Variants in DCDC2C observed in about 807,000 individuals in gnomAD.
DCDC2C encodes doublecortin domain-containing protein 2C.
DCDC2C carries 44 observed loss-of-function variants against 45.0 expected under a neutral mutation model. The observed-to-expected ratio is 0.98, with a 90% CI of 0.77 to 1.26. DCDC2C has a LOEUF of 1.26. DCDC2C is among the 50% of genes most tolerant of loss of function. The probability of loss-of-function intolerance (pLI) is 0.00; values close to 1 mark genes in which losing one functional copy is unlikely to be tolerated. For missense variants in DCDC2C, 447 were observed against 468.9 expected (o/e 0.95, Z 0.43); for synonymous variants, 187 against 178.8 (o/e 1.05, Z -0.37).
intron 6 of DCDC2C, among the ~76,000 whole-genome samples, chr2:3,754,994 G>C (rs1179922554): frequency 6.6e-6 from 1 of 152,198 alleles, no homozygotes; most frequent in Admixed American, 6.5e-5. Context: ...GCGGGGGGTG[G>C]GAGGAGGACA....
chr2:3,768,013 A>G (rs947898024), intron 7 of DCDC2C, 133 bp downstream of exon 7: 1 of 1,067,234 alleles, frequency 9.4e-7, no homozygotes, highest in East Asian at 3.1e-5. Context: ...CTTTATTAAT[A>G]AAAGGTTCAG....
intron 10 of DCDC2C, among the ~76,000 whole-genome samples, chr2:3,799,432 A>G (rs970994980): frequency 1.1e-4 from 16 of 152,124 alleles, no homozygotes; most frequent in Non-Finnish European, 2.2e-4. Flanking sequence ...CCTTTGGAGG[A>G]GGAGAGGTGC....
chr2:3,753,041 C>T (rs1669587200), intron 5 of DCDC2C, 141 bp downstream of exon 5: 4 of 1,059,208 alleles, frequency 3.8e-6, no homozygotes, highest in Admixed American at 5.9e-5. Flanking sequence ...ATGTATGATA[C>T]AATTTTAGAT....
intron 10 of DCDC2C, among the ~76,000 whole-genome samples, chr2:3,786,847 T>G (rs544425543): frequency 9.2e-5 from 14 of 152,400 alleles, no homozygotes; most frequent in Admixed American, 9.1e-4. Context: ...ACAAGCATTT[T>G]ACATGTTTAT....
In DCDC2C at chr2:3,703,862, G is replaced by A; in HGVS notation, c.111G>A (p.Arg37=). 7.8e-7 allele frequency: 1 copy of A among 1,290,012 alleles called. No individual in the cohort carries two copies. Among genetic ancestry groups the A allele is most frequent in the Non-Finnish European group, 9.9e-7 (1 of 1,014,258 alleles). The allele number at this position is 1,290,012 out of a possible 1,614,324, so 79.9% of individuals were successfully genotyped here. The change falls in exon 1 of 11, where the codon CGG becomes CGA. Residue 37 remains arginine (R), a synonymous_variant. Transcript: ENST00000399143. This position sits in a 1 kb window ranked among gnomAD's most constrained non-coding sequence, Gnocchi z 4.4. ...FYVGKKFVLS[R]RRAATFEALL... ...TGGGCAAGAAGTTCGTGCTGTCGCGGCGCCGCGCGGCCACCTTCGAGGCGC... is the reference window on the plus strand; with the variant it reads ...TGGGCAAGAAGTTCGTGCTGTCGCGACGCCGCGCGGCCACCTTCGAGGCGC...
At chr2:3,797,744 A>T (rs1159307282) in intron 10 of DCDC2C, among the ~76,000 whole-genome samples, 1 of 152,068 alleles carries the variant, frequency 6.6e-6, no homozygotes, top group Non-Finnish European at 1.5e-5. Flanking sequence ...ATAATTTGTT[A>T]TAATTTCTGT....
At chr2:3,781,266 G>A (rs1333143053) in intron 9 of DCDC2C, among the ~76,000 whole-genome samples, 1 of 152,234 alleles carries the variant, frequency 6.6e-6, no homozygotes, top group Non-Finnish European at 1.5e-5. Flanking sequence ...TCAATGAACT[G>A]TAGTTCACTT....
intron 10 of DCDC2C, among the ~76,000 whole-genome samples, chr2:3,838,069 G>C (rs141527830): frequency 8.5e-5 from 13 of 152,300 alleles, no homozygotes; most frequent in Admixed American, 7.8e-4. Context: ...AAGAACTGGA[G>C]AAATAACCTG....
chr2:3,784,751 G>GA (rs1670606880), intron 9 of DCDC2C, among the ~76,000 whole-genome samples: 1 of 151,782 alleles, frequency 6.6e-6, no homozygotes, highest in African/African-American at 2.4e-5. Context: ...TATATTAAGT[G>GA]AAAAAAAATC....
intron 10 of DCDC2C, among the ~76,000 whole-genome samples, chr2:3,817,352 G>A (rs190794195): frequency 6.6e-6 from 1 of 152,308 alleles, no homozygotes; most frequent in Non-Finnish European, 1.5e-5. Context: ...TAACAGCATG[G>A]TGGTGCAGGA....
At chr2:3,753,487 G>T (rs901480540) in intron 5 of DCDC2C, among the ~76,000 whole-genome samples, 2 of 152,190 alleles carry the variant, frequency 1.3e-5, no homozygotes, top group African/African-American at 4.8e-5. Flanking sequence ...CCTGACGGGT[G>T]TGTTTGAAAT....
chr2:3,804,634 A>G (rs1425360469), intron 10 of DCDC2C, among the ~76,000 whole-genome samples: 1 of 152,224 alleles, frequency 6.6e-6, no homozygotes, highest in Admixed American at 6.5e-5. Flanking sequence ...AAAAGATCTC[A>G]TTTCCTTTAT....
chr2:3,722,612 C>T lies in DCDC2C; in HGVS notation c.340-4391C>T, dbSNP rs116283644. Among the ~76,000 whole-genome samples the T allele has an allele frequency of 3.8e-3, 574 of 152,330 alleles. 4 individuals are homozygous for T. Among genetic ancestry groups the T allele is most frequent in the African/African-American group, 0.012 (504 of 41,580 alleles). ...TCCTTCAGCCTCTCAGGACAGATGACTGATGTGAGTCTTTGGCTCTGACAA... is the reference window on the plus strand; with the variant it reads ...TCCTTCAGCCTCTCAGGACAGATGATTGATGTGAGTCTTTGGCTCTGACAA... On this transcript the variant is annotated intron_variant, in intron 2 of 10. Transcript: ENST00000399143.
chr2:3,835,266 T>A (rs545484348), intron 10 of DCDC2C, among the ~76,000 whole-genome samples: 24 of 152,340 alleles, frequency 1.6e-4, no homozygotes, highest in Admixed American at 4.6e-4. Flanking sequence ...AGCCCACTCG[T>A]GGTGTTCTTG....
At chr2:3,752,573 G>A (rs1669572803) in intron 4 of DCDC2C, 190 bp from the exon 5 acceptor site, 1 of 708,796 alleles carries the variant, frequency 1.4e-6, no homozygotes, top group Non-Finnish European at 2.5e-6. Flanking sequence ...AAAGTGGAAA[G>A]CAAGTCTAAT....
rs546964452 is a variant in DCDC2C at position 3,725,098 on chromosome 2, G to A, written c.340-1905G>A. ...CCCCCGACCTTCTGGGGGATGGGGT[G>A]CAGGTAGGGCCCGCACCATGGTGTC... On this transcript the variant is annotated intron_variant, in intron 2 of 10. Transcript: ENST00000399143. Among the ~76,000 whole-genome samples the A allele has an allele frequency of 2.0e-5, 3 of 152,282 alleles. No homozygotes were observed. In the East Asian group the frequency reaches 5.8e-4, roughly 29 times the overall value.
intron 3 of DCDC2C, among the ~76,000 whole-genome samples, chr2:3,730,694 C>T (rs1668843228): frequency 6.6e-6 from 1 of 152,164 alleles, no homozygotes; most frequent in South Asian, 2.1e-4. Context: ...TACTAACAGG[C>T]TTCAATTATG....
intron 6 of DCDC2C, among the ~76,000 whole-genome samples, chr2:3,764,686 T>C (rs1260164342): frequency 6.6e-6 from 1 of 152,212 alleles, no homozygotes; most frequent in Non-Finnish European, 1.5e-5. Flanking sequence ...GACTAATACA[T>C]AGCCAACTCT....
chr2:3,839,505 G>A (rs1672157415), intron 10 of DCDC2C, among the ~76,000 whole-genome samples: 1 of 152,114 alleles, frequency 6.6e-6, no homozygotes, highest in African/African-American at 2.4e-5. Flanking sequence ...GAAATTCTTT[G>A]TGGAGAAAGG....
Sources: gnomAD v4.1 joint callset for allele counts (sites outside exome capture counted in the v4.1 genomes callset) on GRCh38, gnomAD v4.1.1 for gene constraint, Gnocchi (gnomAD v3.1) non-coding constraint, MANE v1.5 for transcripts, NCBI Gene and HGNC (gene_info 2026-07-23, HGNC 2026-07-21) for gene names.